The following GSE1 variants were observed in gnomAD, a reference collection of about 807,000 sequenced individuals.
GSE1 encodes Gse1 coiled-coil protein, also known as genetic suppressor element 1.
A neutral mutation model predicts 112.6 loss-of-function variants in GSE1; 32 were observed. That is an observed-to-expected ratio of 0.28 (90% CI 0.21 to 0.38). The LOEUF is 0.38. Among genes scored for constraint, GSE1 ranks in the 10% least tolerant of loss-of-function variants. The pLI is 1.00. For synonymous variants in GSE1, 1,115 were observed against 735.6 expected (o/e 1.52, Z -8.35); for missense variants, 2,348 against 1,699.2 (o/e 1.38, Z -6.71).
intron 2 of GSE1, among the ~76,000 whole-genome samples, chr16:85,640,333 T>G (rs563116664): frequency 2.0e-5 from 3 of 152,350 alleles, no homozygotes; most frequent in African/African-American, 7.2e-5. Flanking sequence ...GCCGCTGTGT[T>G]ACCTGCGGCA....
intron 2 of GSE1, among the ~76,000 whole-genome samples, chr16:85,395,431 A>T (rs1166998211): frequency 1.3e-5 from 2 of 152,166 alleles, no homozygotes; most frequent in East Asian, 1.9e-4. Flanking sequence ...CCAAGGCCCG[A>T]CAATGGGTCC....
chr16:85,176,637 A>G (rs978917865), intron 1 of GSE1, among the ~76,000 whole-genome samples: 5 of 152,272 alleles, frequency 3.3e-5, no homozygotes, highest in African/African-American at 4.8e-5. Context: ...TCCGGAGAGC[A>G]TTCTGGTTAA....
chr16:85,609,359 G>A (rs186094102), upstream of GSE1, among the ~76,000 whole-genome samples: 1 of 152,282 alleles, frequency 6.6e-6, no homozygotes, highest in East Asian at 1.9e-4. Flanking sequence ...TCAGTCTCGC[G>A]AGTAGCTGGG....
intron 1 of GSE1, among the ~76,000 whole-genome samples, chr16:85,256,250 C>A (rs917698490): frequency 6.6e-6 from 1 of 152,148 alleles, no homozygotes; most frequent in African/African-American, 2.4e-5. Flanking sequence ...AACAACCCAA[C>A]AAACATGTGA....
At chr16:85,196,409 AG>A (rs2143504473) in intron 1 of GSE1, among the ~76,000 whole-genome samples, 1 of 152,240 alleles carries the variant, frequency 6.6e-6, no homozygotes, top group South Asian at 2.1e-4. Context: ...AGGAGAGAGC[AG>A]GGAAGGGATT....
chr16:85,636,914 C>T (rs2050050422), intron 2 of GSE1, among the ~76,000 whole-genome samples: 1 of 150,358 alleles, frequency 6.7e-6, no homozygotes, highest in Non-Finnish European at 1.5e-5. Context: ...CCCCCCAGCT[C>T]CCCTGTGCTA....
intron 2 of GSE1, among the ~76,000 whole-genome samples, chr16:85,483,528 T>C (rs1296193506): frequency 6.6e-6 from 1 of 152,250 alleles, no homozygotes; most frequent in African/African-American, 2.4e-5. Flanking sequence ...ATGAAGCCTA[T>C]GAACAGTTGT....
chr16:85,389,718 C>G (rs551978556), intron 2 of GSE1, among the ~76,000 whole-genome samples: 1 of 152,266 alleles, frequency 6.6e-6, no homozygotes, highest in South Asian at 2.1e-4. Flanking sequence ...GAAGAATAAT[C>G]CTAACAAATC....
At chr16:85,263,256 CT>C (rs1014917279) in intron 1 of GSE1, among the ~76,000 whole-genome samples, 10 of 147,484 alleles carry the variant, frequency 6.8e-5, no homozygotes, top group East Asian at 3.9e-4. Flanking sequence ...ATCATCAAAC[CT>C]TTTTTTTTTG....
chr16:85,662,649 C>T (rs985030130), intron 9 of GSE1: 10 of 288,534 alleles, frequency 3.5e-5, no homozygotes, highest in African/African-American at 1.8e-4. Flanking sequence ...TGCATGTGCA[C>T]AAGCAGCCCT....
rs143658413 is a variant in GSE1, at chr16:85,514,903, G to A, written c.2465-119011G>A. Among the ~76,000 whole-genome samples the A allele has an allele frequency of 2.3e-3, 350 of 152,276 alleles. 2 individuals carry two copies. The highest frequency in any genetic ancestry group is 8.2e-3 in the African/African-American group (341 of 41,526). On this transcript the variant is annotated intron_variant, in intron 2 of 2. Coordinates refer to the GSE1 transcript ENST00000637419. Reference sequence around the variant, plus strand: ...GATGTGTGTGTGCATGCACATGTGCGTGTGTTTGCCCGTACGTGTGTGTGG... The same window carrying A: ...GATGTGTGTGTGCATGCACATGTGCATGTGTTTGCCCGTACGTGTGTGTGG...
At chr16:85,263,784 G>GTT (rs1176353747) in intron 1 of GSE1, among the ~76,000 whole-genome samples, 1 of 152,132 alleles carries the variant, frequency 6.6e-6, no homozygotes, top group East Asian at 1.9e-4. Flanking sequence ...TGTTGACCAG[G>GTT]CTGGTCTGGA....
intron 2 of GSE1, among the ~76,000 whole-genome samples, chr16:85,478,775 A>C (rs1195038020): frequency 1.4e-5 from 2 of 142,280 alleles, no homozygotes; most frequent in African/African-American, 2.6e-5. Context: ...TCAAGTTATT[A>C]TCCTGCCTCA....
intron 2 of GSE1, among the ~76,000 whole-genome samples, chr16:85,499,295 CTTTTTTTTTTTTTTTTTT>C (rs568776401): frequency 2.6e-5 from 2 of 77,162 alleles, no homozygotes; most frequent in Non-Finnish European, 4.8e-5. Flanking sequence ...GGAAAGTCAC[CTTTTTTTTTTTTTTTTTT>C]TTTTTTTTTT....
intron 2 of GSE1, among the ~76,000 whole-genome samples, chr16:85,548,712 TG>T (rs1211118569): frequency 1.3e-5 from 2 of 152,138 alleles, no homozygotes; most frequent in Non-Finnish European, 2.9e-5. Context: ...AACGTGGGGG[TG>T]CAGGTGCTTC....
rs990186258 is a variant in GSE1 at position 85,647,611 on chromosome 16, G to A, written c.227-941G>A. ...ACCACTTCTTTTTTTGTTTTGAGAC[G>A]AAGTCTCGCTCTGTCGCCAGGCTGG... is the stretch of plus-strand genomic sequence containing the variant. On this transcript the variant is annotated intron_variant, in intron 2 of 15. Coordinates refer to ENST00000253458, the MANE Select transcript of GSE1 (RefSeq NM_014615.5). Among the ~76,000 whole-genome samples the A allele has an allele frequency of 3.5e-4, 53 of 152,168 alleles. 1 individual carries two copies. Among genetic ancestry groups the A allele is most frequent in the Middle Eastern group, 3.4e-3 (1 of 294 alleles).
intron 2 of GSE1, among the ~76,000 whole-genome samples, chr16:85,468,007 C>T (rs1033197383): frequency 1.3e-5 from 2 of 152,124 alleles, no homozygotes; most frequent in Admixed American, 1.3e-4. Flanking sequence ...TGCCTTCTCT[C>T]GAGCCAGTGA....
At chr16:85,573,079 G>T (rs1326880786) in intron 1 of GSE1, among the ~76,000 whole-genome samples, 1 of 152,166 alleles carries the variant, frequency 6.6e-6, no homozygotes, top group Non-Finnish European at 1.5e-5. Flanking sequence ...TGCCAGGCTG[G>T]TCTTAAACTC....
intron 1 of GSE1, among the ~76,000 whole-genome samples, chr16:85,569,615 T>G (rs1461623750): frequency 1.3e-5 from 2 of 152,202 alleles, no homozygotes; most frequent in African/African-American, 4.8e-5. Context: ...CATCACTGGA[T>G]TTCCTGCTGG....
Sources: gnomAD v4.1 joint callset for allele counts (sites outside exome capture counted in the v4.1 genomes callset) on GRCh38, gnomAD v4.1.1 for gene constraint, MANE v1.5 for transcripts, NCBI Gene and HGNC (gene_info 2026-07-23, HGNC 2026-07-21) for gene names.